RBMS1: variants seen among roughly 807,000 people sequenced by gnomAD.
RBMS1 encodes RNA binding motif single stranded interacting protein 1.
Under a neutral mutation model 62.3 loss-of-function variants are expected in RBMS1, and 17 were observed. That is an observed-to-expected ratio of 0.27 (90% CI 0.19 to 0.41). The LOEUF (loss-of-function observed/expected upper bound fraction) is 0.41. Ranked by LOEUF, RBMS1 falls within the 10% of genes least tolerant of loss-of-function variation. RBMS1 has a pLI of 1.00. For missense variants in RBMS1, 334 were observed against 504.5 expected (o/e 0.66, Z 3.24); for synonymous variants, 172 against 170.0 (o/e 1.01, Z -0.09).
chr2:160,328,779 C>G (rs1169418327), intron 2 of RBMS1, among the ~76,000 whole-genome samples: 1 of 152,146 alleles, frequency 6.6e-6, no homozygotes, highest in Non-Finnish European at 1.5e-5. Context: ...AAATTTGTCA[C>G]TCCTTTTAAA....
rs750476981 is a variant in RBMS1 at position 160,318,230 on chromosome 2, A to T, written c.252-3T>A. The T allele has an allele frequency of 1.4e-4, 10 of 73,698 alleles. No homozygotes were observed. The highest frequency in any genetic ancestry group is 6.4e-3 in the Middle Eastern group (1 of 156). The allele number at this position is 73,698 out of a possible 1,614,324, so 4.6% of individuals were successfully genotyped here. Reference sequence around the variant, plus strand: ...TTGTGGAGACTATTTTCCCATATCTAAAAAAAAAAAAAAAAAAAAAAAGGA... The same window carrying T: ...TTGTGGAGACTATTTTCCCATATCTTAAAAAAAAAAAAAAAAAAAAAAGGA... On this transcript the variant is annotated splice_polypyrimidine_tract_variant and splice_region_variant and intron_variant, in intron 2 of 13. Transcript: ENST00000348849.
intron 2 of RBMS1, among the ~76,000 whole-genome samples, chr2:160,339,157 A>T (rs1309114211): frequency 6.6e-6 from 1 of 152,190 alleles, no homozygotes; most frequent in Non-Finnish European, 1.5e-5. Context: ...CCAAGAAGCC[A>T]GCTGCACAGA....
chr2:160,474,111 A>G (rs1011778281), intron 1 of RBMS1, among the ~76,000 whole-genome samples: 1 of 152,316 alleles, frequency 6.6e-6, no homozygotes, highest in South Asian at 2.1e-4. Flanking sequence ...ACAAAGGAAC[A>G]TAAGTTTGAG....
At chr2:160,334,121 G>A (rs1305185154) in intron 2 of RBMS1, among the ~76,000 whole-genome samples, 1 of 152,088 alleles carries the variant, frequency 6.6e-6, no homozygotes, top group Non-Finnish European at 1.5e-5. Flanking sequence ...AATGTTCACA[G>A]AGCATTTATC....
intron 6 of RBMS1, among the ~76,000 whole-genome samples, chr2:160,291,619 T>G (rs1688682252): frequency 6.6e-6 from 1 of 152,184 alleles, no homozygotes; most frequent in African/African-American, 2.4e-5. Context: ...GCTGTTTAGG[T>G]TTCTCCTCCT....
intron 2 of RBMS1, among the ~76,000 whole-genome samples, chr2:160,345,682 T>A (rs991949758): frequency 6.6e-6 from 1 of 152,048 alleles, no homozygotes; most frequent in Non-Finnish European, 1.5e-5. Context: ...TCCCTTAAAA[T>A]CCCATTGAAA....
chr2:160,304,053 T>C (rs1442264496), intron 4 of RBMS1, among the ~76,000 whole-genome samples: 1 of 152,070 alleles, frequency 6.6e-6, no homozygotes, highest in East Asian at 1.9e-4. Flanking sequence ...CCGTATAAAA[T>C]AGTCAATTCT....
At chr2:160,274,922 G>A (rs1187920466) in intron 13 of RBMS1, among the ~76,000 whole-genome samples, 158 bp from the exon 14 acceptor site, 1 of 152,136 alleles carries the variant, frequency 6.6e-6, no homozygotes, top group Non-Finnish European at 1.5e-5. Context: ...GGAACTGATG[G>A]TTACTTTCAA....
chr2:160,280,466 C>G (rs748873449), intron 10 of RBMS1, among the ~76,000 whole-genome samples: 1 of 152,192 alleles, frequency 6.6e-6, no homozygotes, highest in East Asian at 1.9e-4. Context: ...GGTCTTACAT[C>G]GCAGTATCCA....
chr2:160,476,936 G>A (rs1009773395), intron 1 of RBMS1, among the ~76,000 whole-genome samples: 1 of 152,174 alleles, frequency 6.6e-6, no homozygotes, highest in Non-Finnish European at 1.5e-5. Context: ...TATAAAGTAC[G>A]ATATAAAACT....
intron 2 of RBMS1, among the ~76,000 whole-genome samples, chr2:160,334,245 G>A (rs1028006638): frequency 2.6e-5 from 4 of 152,166 alleles, no homozygotes; most frequent in African/African-American, 4.8e-5. Context: ...ATATTTTTGA[G>A]TAACCATATG....
At chr2:160,448,548 G>A (rs1421085797) in intron 1 of RBMS1, among the ~76,000 whole-genome samples, 1 of 152,218 alleles carries the variant, frequency 6.6e-6, no homozygotes, top group African/African-American at 2.4e-5. Context: ...TGCCTGCCTC[G>A]GCCTCCCGAG....
intron 2 of RBMS1, among the ~76,000 whole-genome samples, chr2:160,351,816 C>T (rs930789270): frequency 2.6e-5 from 4 of 151,976 alleles, no homozygotes; most frequent in Middle Eastern, 6.3e-3. Context: ...GATTGCTATA[C>T]AAACTGAAAA....
At chr2:160,342,049 G>A (rs1691901391) in intron 2 of RBMS1, among the ~76,000 whole-genome samples, 1 of 152,168 alleles carries the variant, frequency 6.6e-6, no homozygotes, top group Non-Finnish European at 1.5e-5. Context: ...GTCATTTACA[G>A]AAATTTACCT....
chr2:160,320,105 T>C (rs995080944), intron 2 of RBMS1, among the ~76,000 whole-genome samples: 2 of 152,220 alleles, frequency 1.3e-5, no homozygotes, highest in Non-Finnish European at 2.9e-5. Context: ...TCTATCTACC[T>C]AGGTTACATG....
At position 160,346,709 on chromosome 2, in the gene RBMS1, TAA is replaced by T. The variant is rs564351947; in HGVS notation, c.251+20505_251+20506del. On this transcript the variant is annotated intron_variant, in intron 2 of 13. Transcript: ENST00000348849. ...ATCTTTCAATTGTTTTAAGCCTTCC[TAA>T]AACTTAAGACTCTGAAGGCAATGCA... is the stretch of plus-strand genomic sequence containing the variant. 2.3e-3 allele frequency among the ~76,000 whole-genome samples: 351 copies of T among 152,250 alleles called. 1 individual carries two copies. The highest frequency in any genetic ancestry group is 8.1e-3 in the African/African-American group (335 of 41,572).
chr2:160,468,857 C>T lies in RBMS1; in HGVS notation c.75+24432G>A, dbSNP rs1684802154. Among the ~76,000 whole-genome samples, 3 of 152,208 alleles carry T rather than the reference C, an allele frequency of 2.0e-5. No homozygotes were observed. In the South Asian group the frequency reaches 6.2e-4, roughly 32 times the overall value. On this transcript the variant is annotated intron_variant, in intron 1 of 13. Coordinates refer to ENST00000348849, the MANE Select transcript of RBMS1 (RefSeq NM_016836.4). ...GTATCAGGGGTTAGCTAAATCATGGCTCACAGAAAATATTATTTGTTAGCA... is the reference window on the plus strand; with the variant it reads ...GTATCAGGGGTTAGCTAAATCATGGTTCACAGAAAATATTATTTGTTAGCA...
chr2:160,281,719 A>G (rs1688114035), intron 9 of RBMS1: 1 of 197,386 alleles, frequency 5.1e-6, no homozygotes, highest in African/African-American at 2.4e-5. Flanking sequence ...GTTAACAATC[A>G]AGGTATGAAC....
intron 1 of RBMS1, among the ~76,000 whole-genome samples, chr2:160,457,886 C>A (rs1200826454): frequency 6.6e-6 from 1 of 151,902 alleles, no homozygotes; most frequent in Non-Finnish European, 1.5e-5. Context: ...GAGGGCAAAA[C>A]AAATATGCAA....
Sources: gnomAD v4.1 joint callset for allele counts (sites outside exome capture counted in the v4.1 genomes callset) on GRCh38, gnomAD v4.1.1 for gene constraint, MANE v1.5 for transcripts, NCBI Gene and HGNC (gene_info 2026-07-23, HGNC 2026-07-21) for gene names.